The following ATRNL1 variants were observed in gnomAD, a reference collection of about 807,000 sequenced individuals.
The protein encoded by ATRNL1 is attractin like 1, also known as attractin-like protein 1.
ATRNL1 carries 95 observed loss-of-function variants against 182.7 expected under a neutral mutation model. The ratio of observed to expected loss-of-function variants is 0.52; its 90% CI spans 0.44 to 0.62. ATRNL1 has a LOEUF of 0.62. ATRNL1 is among the 20% of genes least tolerant of loss of function. ATRNL1 has a pLI of 0.00. For missense variants in ATRNL1, 1,471 were observed against 1,679.5 expected (o/e 0.88, Z 2.17); for synonymous variants, 576 against 568.3 (o/e 1.01, Z -0.19).
intron 26 of ATRNL1, among the ~76,000 whole-genome samples, chr10:115,616,515 A>G (rs1555020822): frequency 2.6e-5 from 4 of 152,174 alleles, no homozygotes; most frequent in Non-Finnish European, 5.9e-5. Context: ...AGCCAAGACA[A>G]TGGGAAAAAT....
intron 24 of ATRNL1, among the ~76,000 whole-genome samples, chr10:115,492,901 C>T (rs764120507): frequency 6.6e-6 from 1 of 151,830 alleles, no homozygotes; most frequent in Non-Finnish European, 1.5e-5. Flanking sequence ...TCTCAGCCTC[C>T]CAAAGTACAG....
intron 26 of ATRNL1, among the ~76,000 whole-genome samples, chr10:115,670,226 ATTAAGAGTTAATAT>A (rs1300929340): frequency 6.6e-6 from 1 of 152,092 alleles, no homozygotes; most frequent in Non-Finnish European, 1.5e-5. Flanking sequence ...TATGGTGAGG[ATTAAGAGTTAATAT>A]ATGTGTAGTG....
intron 27 of ATRNL1, among the ~76,000 whole-genome samples, chr10:115,772,050 C>T (rs1405033136): frequency 3.9e-5 from 6 of 152,116 alleles, no homozygotes; most frequent in African/African-American, 1.4e-4. Flanking sequence ...GATAGACAGT[C>T]CTTACAAGAA....
chr10:115,258,395 T>G (rs1254157892), intron 10 of ATRNL1, among the ~76,000 whole-genome samples: 1 of 152,158 alleles, frequency 6.6e-6, no homozygotes, highest in Admixed American at 6.5e-5. Flanking sequence ...TTCTTCTACT[T>G]GATTGAATCA....
At chr10:115,566,825 G>A (rs1854101923) in intron 26 of ATRNL1, among the ~76,000 whole-genome samples, 1 of 152,078 alleles carries the variant, frequency 6.6e-6, no homozygotes, top group African/African-American at 2.4e-5. Flanking sequence ...ATACACTAAG[G>A]TTAGTAAAGG....
rs373725284 is a variant in ATRNL1 at position 115,894,672 on chromosome 10, G to A, written c.4018+46681G>A. ...TTGTTTAAGTCAGCAGCAAAATCGC[G>A]GGGTGTCTGTTATGCTACCCACAAT... On this transcript the variant is annotated intron_variant, in intron 28 of 28. Coordinates refer to ENST00000355044, the MANE Select transcript of ATRNL1 (RefSeq NM_207303.4). Among the ~76,000 whole-genome samples, 36 of 152,262 alleles carry A rather than the reference G, an allele frequency of 2.4e-4. No homozygotes were observed. The South Asian group carries it at 6.2e-3, about 26-fold the overall frequency.
At chr10:115,385,573 TTA>T (rs1183496134) in intron 19 of ATRNL1, among the ~76,000 whole-genome samples, 2 of 152,136 alleles carry the variant, frequency 1.3e-5, no homozygotes, top group Non-Finnish European at 2.9e-5. Flanking sequence ...AGTAGATAAA[TTA>T]TATGTTTTTT....
At chr10:115,493,871 T>G (rs1849424889) in intron 24 of ATRNL1, among the ~76,000 whole-genome samples, 1 of 152,232 alleles carries the variant, frequency 6.6e-6, no homozygotes, top group African/African-American at 2.4e-5. Flanking sequence ...TTAGTGATGT[T>G]TAGCATTTTT....
chr10:115,673,693 T>C (rs1945771511), intron 26 of ATRNL1, among the ~76,000 whole-genome samples: 1 of 152,100 alleles, frequency 6.6e-6, no homozygotes, highest in Admixed American at 6.6e-5. Flanking sequence ...ATGACCACAA[T>C]ATCTCCTATC....
intron 24 of ATRNL1, among the ~76,000 whole-genome samples, chr10:115,479,029 GATA>G (rs1848648535): frequency 6.6e-6 from 1 of 151,504 alleles, no homozygotes; most frequent in African/African-American, 2.4e-5. Flanking sequence ...TAAAGACAGT[GATA>G]ATAACTGTTT....
chr10:115,546,184 T>C (rs1172987559), intron 25 of ATRNL1, among the ~76,000 whole-genome samples: 2 of 152,184 alleles, frequency 1.3e-5, no homozygotes, highest in Non-Finnish European at 2.9e-5. Flanking sequence ...TGTATCACAG[T>C]TCTTAAGGGT....
intron 6 of ATRNL1, among the ~76,000 whole-genome samples, chr10:115,164,698 A>C (rs1244109739): frequency 2.6e-5 from 4 of 152,164 alleles, no homozygotes; most frequent in Non-Finnish European, 4.4e-5. Flanking sequence ...ACAGGAAGTC[A>C]TTATAAGTGA....
intron 25 of ATRNL1, among the ~76,000 whole-genome samples, chr10:115,531,088 A>C (rs562952302): frequency 2.0e-5 from 3 of 152,106 alleles, no homozygotes; most frequent in Admixed American, 2.0e-4. Flanking sequence ...CAATAAACAT[A>C]TGTGTGCATG....
At chr10:115,427,512 G>T (rs1845956337) in intron 21 of ATRNL1, among the ~76,000 whole-genome samples, 1 of 152,054 alleles carries the variant, frequency 6.6e-6, no homozygotes, top group African/African-American at 2.4e-5. Flanking sequence ...AGCCTAACAG[G>T]TCACTGTGAT....
chr10:115,706,113 T>C (rs577813563), intron 26 of ATRNL1, among the ~76,000 whole-genome samples: 2 of 152,032 alleles, frequency 1.3e-5, no homozygotes, highest in South Asian at 4.1e-4. Context: ...AAGTCTGAAA[T>C]TAGTCCTACC....
At chr10:115,141,173 A>C (rs1223925984) in intron 5 of ATRNL1, among the ~76,000 whole-genome samples, 1 of 152,146 alleles carries the variant, frequency 6.6e-6, no homozygotes, top group Non-Finnish European at 1.5e-5. Flanking sequence ...CATGGCATGT[A>C]CTAGCCACTT....
chr10:115,451,813 A>C (rs907036480), intron 21 of ATRNL1, among the ~76,000 whole-genome samples: 1 of 152,254 alleles, frequency 6.6e-6, no homozygotes, highest in South Asian at 2.1e-4. Context: ...GTGCACACAA[A>C]TGTCCACTGC....
intron 28 of ATRNL1, among the ~76,000 whole-genome samples, chr10:115,914,280 TG>T (rs1952777439): frequency 6.6e-6 from 1 of 152,164 alleles, no homozygotes; most frequent in Non-Finnish European, 1.5e-5. Context: ...TTCTTCATAG[TG>T]GTGTGAAAAT....
intron 20 of ATRNL1, among the ~76,000 whole-genome samples, chr10:115,417,099 G>T (rs868990800): frequency 5.9e-5 from 9 of 152,194 alleles, no homozygotes; most frequent in Middle Eastern, 3.2e-3. Flanking sequence ...CCAGGTAATA[G>T]ATGCATTAAT....
Sources: allele counts gnomAD v4.1 joint callset (sites outside exome capture counted in the v4.1 genomes callset), GRCh38; gene constraint gnomAD v4.1.1; transcripts MANE v1.5; gene names NCBI Gene and HGNC (gene_info 2026-07-23, HGNC 2026-07-21).